PPIL3: variants seen among roughly 807,000 people sequenced by gnomAD.
The protein encoded by PPIL3 is peptidylprolyl isomerase like 3.
Under a neutral mutation model 20.9 loss-of-function variants are expected in PPIL3, and 13 were observed. The observed-to-expected ratio is 0.62, with a 90% confidence interval of 0.40 to 0.99. The LOEUF is 0.99. Among genes scored for constraint, PPIL3 ranks in the 50% least tolerant of loss-of-function variants. The probability of loss-of-function intolerance (pLI) is 0.00; values close to 1 mark genes in which losing one functional copy is unlikely to be tolerated. For synonymous variants in PPIL3, 71 were observed against 64.4 expected (o/e 1.10, Z -0.49); for missense variants, 170 against 195.2 (o/e 0.87, Z 0.77).
At chr2:200,873,957 G>A (rs1187572150) in intron 6 of PPIL3, among the ~76,000 whole-genome samples, 1 of 151,626 alleles carries the variant, frequency 6.6e-6, no homozygotes, top group Non-Finnish European at 1.5e-5. Context: ...TGTAATCTCA[G>A]CACTTTGGGA....
chr2:200,872,942 G>A (rs938607176), intron 6 of PPIL3, among the ~76,000 whole-genome samples: 3 of 149,596 alleles, frequency 2.0e-5, no homozygotes, highest in African/African-American at 7.4e-5. Context: ...GTGTGATCTC[G>A]GCTCACTGCA....
rs186511030 is a variant in PPIL3, at chr2:200,882,393, T to C, written c.121A>G (p.Ile41Val). 33 of 1,608,662 alleles carry C rather than the reference T, an allele frequency of 2.1e-5. No homozygotes were observed. The East Asian group carries it at 3.1e-4, about 15-fold the overall frequency. The change falls in exon 4 of 7, where the codon ATA becomes GTA. Residue 41 changes from isoleucine (I) to valine (V), a missense_variant. Transcript: ENST00000392283. ...AAACCCTTGATATTCCTATGAAATA[T>C]ACAGCCATTGTAGTAATTACTGGCA... ...LCASNYYNGC[I>V]FHRNIKGFMV...
chr2:200,878,391 A>ATTT (rs760527328), intron 5 of PPIL3, among the ~76,000 whole-genome samples: 1 of 128,790 alleles, frequency 7.8e-6, no homozygotes, highest in Non-Finnish European at 1.7e-5. Flanking sequence ...TCATTTTTTC[A>ATTT]TTTTTTTTTT....
At chr2:200,876,812 T>C (rs994817902) in intron 6 of PPIL3, 107 bp downstream of exon 6, 1 of 873,710 alleles carries the variant, frequency 1.1e-6, no homozygotes, top group Non-Finnish European at 1.9e-6. Flanking sequence ...TGTGAGGCAC[T>C]GCGCTCGGCC....
chr2:200,876,112 A>T (rs1052850543), intron 6 of PPIL3, among the ~76,000 whole-genome samples: 1 of 151,422 alleles, frequency 6.6e-6, no homozygotes, highest in Non-Finnish European at 1.5e-5. Context: ...ACATAGTGAG[A>T]CCATGTCTCT....
Position 200,871,272 on chromosome 2 carries a change from A to G in PPIL3, c.*123T>C, listed in dbSNP as rs2039294132. 1 of 1,051,518 alleles carries G rather than the reference A, an allele frequency of 9.5e-7. No individual in the cohort carries two copies. Among genetic ancestry groups the G allele is most frequent in the African/African-American group, 1.6e-5 (1 of 61,736 alleles). 65.1% of individuals were successfully genotyped at this position (1,051,518 alleles called of 1,614,324 possible). A position where few individuals can be genotyped will look rare whatever the true frequency, so the allele number is the denominator to read the frequency against. ...GGGCGCCCCTTGGTACCACCATTTCATAGAAGATCATAGTTGTAAACAAGC... is the reference window on the plus strand; with the variant it reads ...GGGCGCCCCTTGGTACCACCATTTCGTAGAAGATCATAGTTGTAAACAAGC... On this transcript the variant is annotated 3_prime_UTR_variant, in exon 7 of 7. Coordinates refer to ENST00000392283, the MANE Select transcript of PPIL3 (RefSeq NM_130906.3).
At chr2:200,886,246 C>T (rs1259932971) in intron 2 of PPIL3, among the ~76,000 whole-genome samples, 1 of 152,154 alleles carries the variant, frequency 6.6e-6, no homozygotes, top group African/African-American at 2.4e-5. Flanking sequence ...CCTTTCTCGA[C>T]TAACAAAAAT....
chr2:200,881,565 ATACTT>A (rs2039726885), intron 4 of PPIL3, 77 bp from the exon 5 acceptor site: 3 of 1,254,766 alleles, frequency 2.4e-6, no homozygotes, highest in African/African-American at 3.0e-5. Context: ...AACTTAAGGA[ATACTT>A]TATAGTTTGA....
At chr2:200,872,625 T>C (rs1436233721) in intron 6 of PPIL3, among the ~76,000 whole-genome samples, 1 of 151,956 alleles carries the variant, frequency 6.6e-6, no homozygotes, top group Non-Finnish European at 1.5e-5. Flanking sequence ...TCAGGTATGG[T>C]TGAATGGGGT....
intron 1 of PPIL3, 26 bp downstream of exon 1, chr2:200,888,930 A>T (rs2040089142): frequency 2.1e-6 from 1 of 471,132 alleles, no homozygotes; most frequent in Admixed American, 2.3e-5. Context: ...TAAGTGAATG[A>T]AAGAATTAAT....
intron 6 of PPIL3, among the ~76,000 whole-genome samples, chr2:200,873,487 G>C (rs1477949799): frequency 6.6e-6 from 1 of 152,056 alleles, no homozygotes; most frequent in Non-Finnish European, 1.5e-5. Flanking sequence ...ACCACGTCTG[G>C]CCTAATTATG....
intron 6 of PPIL3, among the ~76,000 whole-genome samples, chr2:200,872,434 A>G (rs570235723): frequency 6.6e-6 from 1 of 152,078 alleles, no homozygotes; most frequent in Non-Finnish European, 1.5e-5. Context: ...GATTAATTAA[A>G]TCACTGGCCA....
intron 4 of PPIL3, chr2:200,881,774 T>A: frequency 2.7e-6 from 1 of 368,080 alleles, no homozygotes; most frequent in South Asian, 4.5e-5. Flanking sequence ...CACACTAATC[T>A]TCTCTGTATT....
chr2:200,888,220 T>C (rs1681696646), intron 1 of PPIL3: 1 of 152,050 alleles, frequency 6.6e-6, no homozygotes, highest in South Asian at 2.1e-4. Context: ...TACCTTCCCT[T>C]AGGGTCCAGG....
At chr2:200,878,527 C>T (rs1439309491) in intron 5 of PPIL3, among the ~76,000 whole-genome samples, 1 of 151,836 alleles carries the variant, frequency 6.6e-6, no homozygotes, top group East Asian at 1.9e-4. Context: ...GTAGCTGAGA[C>T]TACAGATGTA....
At chr2:200,881,581 C>T in intron 4 of PPIL3, 93 bp from the exon 5 acceptor site, 1 of 1,037,668 alleles carries the variant, frequency 9.6e-7, no homozygotes, top group Non-Finnish European at 1.4e-6. Context: ...TATAGTTTGA[C>T]TGCTTAAATA....
intron 2 of PPIL3, among the ~76,000 whole-genome samples, chr2:200,886,043 T>C (rs2039927580): frequency 6.6e-6 from 1 of 152,220 alleles, no homozygotes; most frequent in Non-Finnish European, 1.5e-5. Flanking sequence ...AATATTTTGA[T>C]GGAAAGAATT....
At chr2:200,883,243 C>T (rs867684205) in intron 3 of PPIL3, among the ~76,000 whole-genome samples, 4 of 151,340 alleles carry the variant, frequency 2.6e-5, no homozygotes, top group Non-Finnish European at 5.9e-5. Context: ...TGTGAGCCAC[C>T]GTGCCTGGTC....
intron 3 of PPIL3, among the ~76,000 whole-genome samples, chr2:200,883,815 T>G (rs973056391): frequency 3.3e-5 from 5 of 152,062 alleles, no homozygotes; most frequent in African/African-American, 1.2e-4. Flanking sequence ...TAGGCTGGAG[T>G]GCAGCAGTGT....
Sources: allele counts gnomAD v4.1 joint callset (sites outside exome capture counted in the v4.1 genomes callset), GRCh38; gene constraint gnomAD v4.1.1; transcripts MANE v1.5; gene names NCBI Gene and HGNC (gene_info 2026-07-23, HGNC 2026-07-21).